Variants in HAUS5 observed in about 807,000 individuals in gnomAD.
HAUS5 encodes HAUS augmin-like complex subunit 5.
A neutral mutation model predicts 94.1 loss-of-function variants in HAUS5; 67 were observed. That is an observed-to-expected ratio of 0.71 (90% CI 0.58 to 0.87). HAUS5 has a LOEUF of 0.87. Ranked by LOEUF, HAUS5 falls within the 40% of genes least tolerant of loss-of-function variation. The pLI is 0.00. For synonymous variants in HAUS5, 339 were observed against 355.4 expected (o/e 0.95, Z 0.52); for missense variants, 739 against 825.6 (o/e 0.90, Z 1.29).
intron 17 of HAUS5, among the ~76,000 whole-genome samples, chr19:35,621,071 C>A (rs1967201937): frequency 6.6e-6 from 1 of 152,152 alleles, no homozygotes; most frequent in South Asian, 2.1e-4. Context: ...GGTCCCCACC[C>A]CAGGGGTTTC....
At position 35,625,204 on chromosome 19, in the gene HAUS5, G is replaced by A. The variant is rs1193758901; in HGVS notation, c.*2211G>A. On this transcript the variant is annotated 3_prime_UTR_variant, in exon 19 of 19. Transcript: ENST00000203166. ...TATATTTTTTGAATTATATACTAAAGCAAATAAGTAGTGATGTAATGTCAT... is the reference window on the plus strand; with the variant it reads ...TATATTTTTTGAATTATATACTAAAACAAATAAGTAGTGATGTAATGTCAT... 2 of 152,054 alleles carry A rather than the reference G, an allele frequency of 1.3e-5. No homozygotes were observed. Among genetic ancestry groups the A allele is most frequent in the African/African-American group, 4.8e-5 (2 of 41,390 alleles). The allele number at this position is 152,054 out of a possible 1,614,324, so 9.4% of individuals were successfully genotyped here.
Position 35,623,277 on chromosome 19 carries a change from C to A in HAUS5, c.*284C>A. 2.9e-6 allele frequency: 1 copy of A among 345,832 alleles called. No homozygotes were observed. The highest frequency in any genetic ancestry group is 5.3e-6 in the Non-Finnish European group (1 of 190,084). 21.4% of individuals were successfully genotyped at this position (345,832 alleles called of 1,614,324 possible). ...GGGAGTCCACACTGAACAAAAGAAA[C>A]AGAAAACCCTGTCTTCCAGCAGTTG... On this transcript the variant is annotated 3_prime_UTR_variant, in exon 19 of 19. Coordinates refer to ENST00000203166, the MANE Select transcript of HAUS5 (RefSeq NM_015302.2).
At chr19:35,614,284 C>T (rs1399995454) in intron 4 of HAUS5, 4 of 597,350 alleles carry the variant, frequency 6.7e-6, no homozygotes, top group Admixed American at 2.7e-5. Context: ...CACCTGAGGC[C>T]TCATCTCAGG....
chr19:35,616,430 G>C (rs1190121634), intron 6 of HAUS5, among the ~76,000 whole-genome samples: 1 of 152,218 alleles, frequency 6.6e-6, no homozygotes, highest in Non-Finnish European at 1.5e-5. Context: ...TATAGGGTAG[G>C]CATGATCGTT....
intron 14 of HAUS5, 29 bp from the exon 15 acceptor site, chr19:35,619,584 G>GCGCCCCCCC: frequency 1.3e-6 from 2 of 1,533,888 alleles, no homozygotes; most frequent in Non-Finnish European, 1.8e-6. Context: ...ATGTTGTGAT[G>GCGCCCCCCC]CCCCACCCAC....
Position 35,618,480 on chromosome 19 carries a change from C to T in HAUS5, c.885+15C>T, listed in dbSNP as rs759984746. 42 of 1,613,980 alleles carry T rather than the reference C, an allele frequency of 2.6e-5. No homozygotes were observed. Among genetic ancestry groups the T allele is most frequent in the African/African-American group, 1.2e-4 (9 of 74,916 alleles). On this transcript the variant is annotated intron_variant, in intron 11 of 18. Coordinates refer to ENST00000203166, the MANE Select transcript of HAUS5 (RefSeq NM_015302.2). ...ATCTCATCCAGGTGACCCCAGGGCTCGCCTCCCCACCACATTCCAAGACTT... is the reference window on the plus strand; with the variant it reads ...ATCTCATCCAGGTGACCCCAGGGCTTGCCTCCCCACCACATTCCAAGACTT...
In HAUS5 at chr19:35,623,574, G is replaced by A. The variant is rs1293822650; in HGVS notation, c.*581G>A. ...CACTGAGGGGGACAGTGTAGGTTGG[G>A]GGTGAGGAATGTATTAAAAGATGAG... On this transcript the variant is annotated 3_prime_UTR_variant, in exon 19 of 19. Coordinates refer to ENST00000203166, the MANE Select transcript of HAUS5 (RefSeq NM_015302.2). 1 of 152,944 alleles carries A rather than the reference G, an allele frequency of 6.5e-6. No homozygotes were observed. The highest frequency in any genetic ancestry group is 2.4e-5 in the African/African-American group (1 of 41,392). 9.5% of individuals were successfully genotyped at this position (152,944 alleles called of 1,614,324 possible). A position where few individuals can be genotyped will look rare whatever the true frequency, so the allele number is the denominator to read the frequency against.
At chr19:35,613,688 T>C in intron 1 of HAUS5, 42 bp from the exon 2 acceptor site, 1 of 1,578,996 alleles carries the variant, frequency 6.3e-7, no homozygotes, top group Non-Finnish European at 8.7e-7. Flanking sequence ...TCCCACACCC[T>C]GTGTGCTGCC....
At position 35,612,847 on chromosome 19, in the gene HAUS5, T is replaced by TG. The variant is rs2071906873; in HGVS notation, c.58dup (p.Val20GlyfsTer22). On this transcript the variant is annotated frameshift_variant, in exon 1 of 19. Coordinates refer to ENST00000203166, the MANE Select transcript of HAUS5 (RefSeq NM_015302.2). LOFTEE classifies it high-confidence loss of function. The stretch of plus-strand genomic sequence containing the variant: ...CTGGGTTGCTGGGCGGTCGAAGAGA[T>TG]GGGGGTGCCCGTGGCGGCCCGGGCC... 1 of 1,547,802 alleles carries TG rather than the reference T, an allele frequency of 6.5e-7. No individual in the cohort carries two copies. Among genetic ancestry groups the TG allele is most frequent in the Non-Finnish European group, 8.7e-7 (1 of 1,145,748 alleles).
intron 13 of HAUS5, 29 bp from the exon 14 acceptor site, chr19:35,619,395 G>A: frequency 6.5e-7 from 1 of 1,527,182 alleles, no homozygotes; most frequent in South Asian, 1.2e-5. Context: ...GCTGGGAGGA[G>A]TGGGTCTCAG....
intron 8 of HAUS5, 45 bp downstream of exon 8, chr19:35,617,414 T>G (rs975436509): frequency 7.8e-7 from 1 of 1,278,382 alleles, no homozygotes; most frequent in South Asian, 1.2e-5. Context: ...ACCCTGGGTT[T>G]TAAGTGGGGG....
At chr19:35,622,510 G>C in intron 17 of HAUS5, 91 bp from the exon 18 acceptor site, 1 of 1,380,622 alleles carries the variant, frequency 7.2e-7, no homozygotes, top group Non-Finnish European at 1.0e-6. Context: ...CTGAGGTCAA[G>C]ACTAGGGGAC....
chr19:35,617,026 G>C, intron 6 of HAUS5, 98 bp from the exon 7 acceptor site: 2 of 974,352 alleles, frequency 2.1e-6, no homozygotes, highest in Admixed American at 3.7e-5. Context: ...TCTAGGCTTA[G>C]TGATTCCTCT....
intron 17 of HAUS5, 45 bp downstream of exon 17, chr19:35,620,372 A>G: frequency 6.3e-7 from 1 of 1,581,814 alleles, no homozygotes; most frequent in South Asian, 1.1e-5. Context: ...GCCCATTCCC[A>G]CTACCAGCAG....
Position 35,618,092 on chromosome 19 carries a change from C to G in HAUS5, c.718C>G (p.Pro240Ala), listed in dbSNP as rs1162942864. The change falls in exon 10 of 19, where the codon CCA (proline) becomes GCA (alanine). Residue 240 changes from proline to alanine, a missense_variant. Transcript: ENST00000203166. ...SVETLLTNHP[P>A]GHVLAALEHL... ...CTAGACGCTGCTGACAAACCACCCC[C>G]CAGGCCACGTCCTGGCTGCCTTGGA... The G allele has an allele frequency of 4.4e-6, 7 of 1,601,692 alleles. No homozygotes were observed. Among genetic ancestry groups the G allele is most frequent in the Non-Finnish European group, 5.1e-6 (6 of 1,172,230 alleles).
Position 35,617,332 on chromosome 19 carries a change from A to C in HAUS5, c.601A>C (p.Asn201His). The part of the protein sequence containing the change: ...ACTLRAQFLQ[N>H]LLLPQAKRGS... ...CACCCTCCGGGCCCAGTTCCTGCAG[A>C]ACCTCCTGCTTCCCCAGGCCAAGAG... Residue 201 changes from asparagine to histidine, a missense_variant, in exon 8 of 19, where the codon AAC (asparagine) becomes CAC (histidine). Asn to His is a moderately conservative substitution (Grantham distance 68, BLOSUM62 1). Transcript: ENST00000203166. 1 of 1,613,972 alleles carries C rather than the reference A, an allele frequency of 6.2e-7. No individual in the cohort carries two copies. Among genetic ancestry groups the C allele is most frequent in the South Asian group, 1.1e-5 (1 of 91,074 alleles).
chr19:35,621,352 TG>T (rs1379029486), intron 17 of HAUS5, among the ~76,000 whole-genome samples: 1 of 152,148 alleles, frequency 6.6e-6, no homozygotes, highest in African/African-American at 2.4e-5. Context: ...TTTTTGCTTT[TG>T]TTTTTTTGAG....
In HAUS5 at chr19:35,612,804, G is replaced by T. The variant is rs1292710762; in HGVS notation, c.10G>T (p.Ala4Ser). 1 of 1,547,284 alleles carries T rather than the reference G, an allele frequency of 6.5e-7. No individual in the cohort carries two copies. Among genetic ancestry groups the T allele is most frequent in the South Asian group, 1.2e-5 (1 of 83,728 alleles). ...CCGCCGCGGCGCTGTCATGGAGCTA[G>T]CGCAGGAAGCGCGGGAACTGGGTTG... MEL[A>S]QEARELGCWA... is the part of the protein sequence containing the mutation. The change falls in exon 1 of 19, where the codon GCG (alanine) becomes TCG (serine). Residue 4 changes from alanine to serine, a missense_variant. Transcript: ENST00000203166.
At chr19:35,618,361 G>A (rs1015550456) in intron 10 of HAUS5, 41 bp from the exon 11 acceptor site, 4 of 1,610,224 alleles carry the variant, frequency 2.5e-6, no homozygotes, top group Middle Eastern at 2.0e-4. Context: ...CCAAGGCAAG[G>A]CCGCAGCACG....
Sources: gnomAD v4.1 joint callset for allele counts (sites outside exome capture counted in the v4.1 genomes callset) on GRCh38, gnomAD v4.1.1 for gene constraint, MANE v1.5 for transcripts, NCBI Gene and HGNC (gene_info 2026-07-23, HGNC 2026-07-21) for gene names.